The following FOXN4 variants were observed in gnomAD, a reference collection of about 807,000 sequenced individuals.
The protein encoded by FOXN4 is forkhead box N4, also known as forkhead box protein N4.
A neutral mutation model predicts 45.0 loss-of-function variants in FOXN4; 12 were observed. The ratio of observed to expected loss-of-function variants is 0.27; its 90% CI spans 0.17 to 0.43. The LOEUF is 0.43. Ranked by LOEUF, FOXN4 falls within the 20% of genes least tolerant of loss-of-function variation. The probability of loss-of-function intolerance (pLI) is 1.00; values close to 1 mark genes in which losing one functional copy is unlikely to be tolerated. For synonymous variants in FOXN4, 297 were observed against 295.0 expected (o/e 1.01, Z -0.07); for missense variants, 560 against 694.9 (o/e 0.81, Z 2.18).
At position 109,279,504 on chromosome 12, in the gene FOXN4, G is replaced by C; in HGVS notation, c.*167C>G. 1 of 1,000,990 alleles carries C rather than the reference G, an allele frequency of 1.0e-6. No homozygotes were observed. Among genetic ancestry groups the C allele is most frequent in the Non-Finnish European group, 1.4e-6 (1 of 697,652 alleles). The allele number at this position is 1,000,990 out of a possible 1,614,324, so 62.0% of individuals were successfully genotyped here. On this transcript the variant is annotated 3_prime_UTR_variant, in exon 10 of 10. Transcript: ENST00000299162. ...GCTCCAGGGGGAGGCACGAGAAGGAGAGGGGCTGCTGAGGGGAACCGCTTC... is the reference window on the plus strand; with the variant it reads ...GCTCCAGGGGGAGGCACGAGAAGGACAGGGGCTGCTGAGGGGAACCGCTTC...
At position 109,288,219 on chromosome 12, in the gene FOXN4, G is replaced by A. The variant is rs771353548; in HGVS notation, c.233-39C>T. ...GCACAGAGACGCTGCTGGGCTGGAG[G>A]AATGGTGGCTGCCACCAGGAACAGC... On this transcript the variant is annotated intron_variant, in intron 3 of 9. Coordinates refer to ENST00000299162, the MANE Select transcript of FOXN4 (RefSeq NM_213596.3). This position sits in a 1 kb window ranked among gnomAD's most constrained non-coding sequence, Gnocchi z 4.3. 23 of 1,534,208 alleles carry A rather than the reference G, an allele frequency of 1.5e-5. No individual in the cohort carries two copies. The highest frequency in any genetic ancestry group is 1.8e-5 in the Non-Finnish European group (21 of 1,143,424).
intron 9 of FOXN4, among the ~76,000 whole-genome samples, chr12:109,280,250 C>T (rs760719838): frequency 2.1e-5 from 3 of 141,130 alleles, no homozygotes; most frequent in Non-Finnish European, 3.0e-5. Flanking sequence ...GGCTGAGGCA[C>T]AAGAATCACT....
At chr12:109,297,940 T>G (rs1368624780) in intron 2 of FOXN4, among the ~76,000 whole-genome samples, 1 of 152,174 alleles carries the variant, frequency 6.6e-6, no homozygotes, top group African/African-American at 2.4e-5. Flanking sequence ...AGTGCAGATA[T>G]GAAATATCTC....
intron 2 of FOXN4, among the ~76,000 whole-genome samples, chr12:109,306,002 AGTTT>A (rs1265033732): frequency 2.6e-5 from 4 of 152,022 alleles, no homozygotes; most frequent in Admixed American, 6.5e-5. Context: ...GCCCCCAGAC[AGTTT>A]GTCAGCTGGG....
Position 109,289,726 on chromosome 12 carries a change from C to T in FOXN4, c.232+415G>A, listed in dbSNP as rs2047748198. Among the ~76,000 whole-genome samples, 13 of 152,210 alleles carry T rather than the reference C, an allele frequency of 8.5e-5. 1 individual carries two copies. The highest frequency in any genetic ancestry group is 8.5e-4 in the Admixed American group (13 of 15,278). Reference sequence around the variant, plus strand: ...GCAGCAAACTTCTTTTGTGAAGGGCCAGATGGCAAATATTTCAGGCTTTGC... The same window carrying T: ...GCAGCAAACTTCTTTTGTGAAGGGCTAGATGGCAAATATTTCAGGCTTTGC... On this transcript the variant is annotated intron_variant, in intron 3 of 9. Transcript: ENST00000299162.
At chr12:109,304,232 A>G (rs1477020031) in intron 2 of FOXN4, among the ~76,000 whole-genome samples, 1 of 54,570 alleles carries the variant, frequency 1.8e-5, no homozygotes, top group Admixed American at 2.0e-4. Context: ...AGAAAGAAAG[A>G]AAGAAAGAAA....
At chr12:109,285,279 G>A (rs1168328470) in intron 8 of FOXN4, 25 bp downstream of exon 8, 16 of 1,560,532 alleles carry the variant, frequency 1.0e-5, no homozygotes, top group African/African-American at 5.6e-5. Flanking sequence ...GTGTGTGCGC[G>A]CACTGCGGGC....
rs1296833242 is a variant in FOXN4 at position 109,287,007 on chromosome 12, A to G, written c.597-263T>C. The G allele has an allele frequency of 1.1e-6, 1 of 884,302 alleles. No homozygotes were observed. Among genetic ancestry groups the G allele is most frequent in the Non-Finnish European group, 1.6e-6 (1 of 615,660 alleles). The allele number at this position is 884,302 out of a possible 1,614,324, so 54.8% of individuals were successfully genotyped here. A position where few individuals can be genotyped will look rare whatever the true frequency, so the allele number is the denominator to read the frequency against. ...TTTCCCCTCTTTATTGCATCCCCAT[A>G]ATTTTAATGGCTATGAGCCTTCAGA... On this transcript the variant is annotated intron_variant, in intron 6 of 9. Coordinates refer to ENST00000299162, the MANE Select transcript of FOXN4 (RefSeq NM_213596.3). This position sits in a 1 kb window ranked among gnomAD's most constrained non-coding sequence, Gnocchi z 4.1.
intron 7 of FOXN4, 57 bp downstream of exon 7, chr12:109,286,591 C>T: frequency 6.5e-7 from 1 of 1,538,078 alleles, no homozygotes. Context: ...TGGATTCTGG[C>T]AGCACCAGGA....
At chr12:109,304,723 G>A (rs890589725) in intron 2 of FOXN4, among the ~76,000 whole-genome samples, 10 of 152,240 alleles carry the variant, frequency 6.6e-5, no homozygotes, top group Admixed American at 1.3e-4. Flanking sequence ...CCAGGCGGCT[G>A]CACGAGAGGC....
rs138453120 is a variant in FOXN4, at chr12:109,281,695, C to T, written c.1006G>A (p.Val336Met). The T allele has an allele frequency of 8.1e-5, 130 of 1,610,924 alleles. No homozygotes were observed. The African/African-American group carries it at 1.1e-3, about 13-fold the overall frequency. The change falls in exon 9 of 10, where the codon GTG becomes ATG. Residue 336 changes from valine (V) to methionine (M), a missense_variant. Val to Met is a conservative substitution (Grantham distance 21). Transcript: ENST00000299162. ...GAGACAGCCAGGCAGCCATGCGCCACGGCCACTGTGGTGGCGTGAGTCAGC... is the reference window on the plus strand; with the variant it reads ...GAGACAGCCAGGCAGCCATGCGCCATGGCCACTGTGGTGGCGTGAGTCAGC... ...PVLTHATTVA[V>M]AHGCLAVSQL...
At chr12:109,299,702 T>G (rs529952678) in intron 2 of FOXN4, among the ~76,000 whole-genome samples, 2 of 152,272 alleles carry the variant, frequency 1.3e-5, no homozygotes, top group African/African-American at 4.8e-5. Flanking sequence ...CTGAGACAGA[T>G]CCGGGCAAGG....
At chr12:109,304,286 A>G (rs1388717745) in intron 2 of FOXN4, among the ~76,000 whole-genome samples, 18 of 62,726 alleles carry the variant, frequency 2.9e-4, no homozygotes, top group African/African-American at 6.5e-4. Flanking sequence ...AAAGAAAGAA[A>G]GAAAGAAAGG....
chr12:109,292,001 C>A (rs1395469872), intron 2 of FOXN4, among the ~76,000 whole-genome samples: 2 of 152,222 alleles, frequency 1.3e-5, no homozygotes, highest in Admixed American at 1.3e-4. Flanking sequence ...CAAGTGACAG[C>A]CACGGCCCCG....
chr12:109,287,350 C>G lies in FOXN4; in HGVS notation c.596+47G>C, dbSNP rs1266400942. 14 of 1,549,836 alleles carry G rather than the reference C, an allele frequency of 9.0e-6. No individual in the cohort carries two copies. Among genetic ancestry groups the G allele is most frequent in the Non-Finnish European group, 1.2e-5 (14 of 1,146,298 alleles). ...GCCCTGAGGGCAGCCTCATCCCTCT[C>G]TCCCGGAGCCGCCCTTGGCCCTGAC... On this transcript the variant is annotated intron_variant, in intron 6 of 9. Transcript: ENST00000299162. The surrounding 1 kb of genome is among the most constrained non-coding windows in gnomAD (Gnocchi z 4.1).
chr12:109,297,956 G>C (rs2047832712), intron 2 of FOXN4, among the ~76,000 whole-genome samples: 1 of 152,138 alleles, frequency 6.6e-6, no homozygotes, highest in African/African-American at 2.4e-5. Context: ...ATCTCCATCA[G>C]TGGAGAAAGT....
At chr12:109,302,029 G>T (rs2047873151) in intron 2 of FOXN4, among the ~76,000 whole-genome samples, 1 of 152,084 alleles carries the variant, frequency 6.6e-6, no homozygotes. Context: ...AGTGCTGTCA[G>T]TATCTACACG....
rs766794489 is a variant in FOXN4, at chr12:109,281,773, G to A, written c.928C>T (p.Arg310Trp). Reference protein sequence around the residue: ...PEELDKLISDRPESCRRPGKP... With the variant: ...PEELDKLISDWPESCRRPGKP... Reference sequence around the variant, plus strand: ...CCGGGGCGCCGGCAGCTTTCAGGCCGGTCGGAGATCAGCTTGTCCAACTCC... The same window carrying A: ...CCGGGGCGCCGGCAGCTTTCAGGCCAGTCGGAGATCAGCTTGTCCAACTCC... Residue 310 changes from arginine to tryptophan, a missense_variant, in exon 9 of 10, where the codon CGG becomes TGG. This residue lies in a region of FOXN4 where 315 missense variants were observed against 350.5 expected (regional missense o/e 0.90). Transcript: ENST00000299162. The A allele has an allele frequency of 2.0e-5, 32 of 1,593,260 alleles. No individual in the cohort carries two copies. Among genetic ancestry groups the A allele is most frequent in the African/African-American group, 6.7e-5 (5 of 74,666 alleles).
intron 2 of FOXN4, among the ~76,000 whole-genome samples, chr12:109,297,673 G>A (rs2047830441): frequency 6.6e-6 from 1 of 152,172 alleles, no homozygotes; most frequent in Non-Finnish European, 1.5e-5. Context: ...GATATGAGGT[G>A]AAACAGTTTC....
Sources: allele counts gnomAD v4.1 joint callset (sites outside exome capture counted in the v4.1 genomes callset), GRCh38; gene constraint gnomAD v4.1.1; regional missense constraint gnomAD v4.1.1; non-coding constraint Gnocchi (gnomAD v3.1); transcripts MANE v1.5; gene names NCBI Gene and HGNC (gene_info 2026-07-23, HGNC 2026-07-21).